The following MAP4K2 variants were observed in gnomAD, a reference collection of about 807,000 sequenced individuals.
The protein encoded by MAP4K2 is B lymphocyte serine/threonine protein kinase.
Under a neutral mutation model 125.3 loss-of-function variants are expected in MAP4K2, and 85 were observed. The ratio of observed to expected loss-of-function variants is 0.68; its 90% CI spans 0.57 to 0.81. MAP4K2 has a LOEUF of 0.81. Ranked by LOEUF, MAP4K2 falls within the 40% of genes least tolerant of loss-of-function variation. MAP4K2 has a pLI of 0.00. For synonymous variants in MAP4K2, 479 were observed against 445.1 expected, an observed-to-expected ratio of 1.08 and a Z score of -0.96; for missense variants, 923 against 1,056.4, an observed-to-expected ratio of 0.87 and a Z score of 1.75.
intron 6 of MAP4K2, 32 bp downstream of exon 6, chr11:64,801,678 C>G: frequency 1.2e-6 from 2 of 1,613,844 alleles, no homozygotes; most frequent in Non-Finnish European, 1.7e-6. Flanking sequence ...CTCCTCCTCC[C>G]TCCCCAGGAG....
chr11:64,792,527 A>C (rs1565611804), intron 24 of MAP4K2, 105 bp from the exon 25 acceptor site: 1 of 913,236 alleles, frequency 1.1e-6, no homozygotes, highest in East Asian at 2.7e-5. Flanking sequence ...TTTACAAGTA[A>C]GGGACTGAGA....
At position 64,802,083 on chromosome 11, in the gene MAP4K2, A is replaced by G; in HGVS notation, c.349T>C (p.Cys117Arg). The change falls in exon 5 of 32, where the codon TGC (cysteine) becomes CGC (arginine). Residue 117 changes from cysteine to arginine, a missense_variant. Transcript: ENST00000294066. Reference protein sequence around the residue: ...PLEERQIAYVCREALKGLHHL... With the variant: ...PLEERQIAYVRREALKGLHHL... ...CCAGCTACCTTCAGTGCCTCTCGGCAGACGTAGGCAATCTGCCGCTCCTCC... is the reference window on the plus strand; with the variant it reads ...CCAGCTACCTTCAGTGCCTCTCGGCGGACGTAGGCAATCTGCCGCTCCTCC... 1 of 1,612,850 alleles carries G rather than the reference A, an allele frequency of 6.2e-7. No homozygotes were observed.
Position 64,802,136 on chromosome 11 carries a change from G to A in MAP4K2, c.311-15C>T. 1.9e-6 allele frequency: 3 copies of A among 1,612,434 alleles called. No individual in the cohort carries two copies. Among genetic ancestry groups the A allele is most frequent in the South Asian group, 2.2e-5 (2 of 90,982 alleles). On this transcript the variant is annotated splice_polypyrimidine_tract_variant and intron_variant, in intron 4 of 31. Coordinates refer to ENST00000294066, the MANE Select transcript of MAP4K2 (RefSeq NM_004579.5). ...GGGCCCAGTGGCTGAAAGGAAAAGG[G>A]AGAGGCTGGCTTGGGGGCCCGGGGG...
At chr11:64,792,341 A>ACCCCC in intron 25 of MAP4K2, 23 bp downstream of exon 25, 1 of 513,946 alleles carries the variant, frequency 1.9e-6, no homozygotes, top group Admixed American at 4.1e-5. Flanking sequence ...GCCCCGCCCC[A>ACCCCC]CCCCGCCCAG....
At position 64,799,621 on chromosome 11, in the gene MAP4K2, G is replaced by T. The variant is rs777426417; in HGVS notation, c.978C>A (p.Thr326=). 10 of 1,614,032 alleles carry T rather than the reference G, an allele frequency of 6.2e-6. No individual in the cohort carries two copies. The highest frequency in any genetic ancestry group is 1.7e-5 in the Admixed American group (1 of 60,016). Reference sequence around the variant, plus strand: ...CAGACTCACACTGGATCTCCGAGGGGGTCCTCTCGGCTGGGCCGTGCTGCC... The same window carrying T: ...CAGACTCACACTGGATCTCCGAGGGTGTCCTCTCGGCTGGGCCGTGCTGCC... The part of the protein sequence containing the change: ...SRGQHGPAER[T]PSEIQFHQVK... The change falls in exon 13 of 32, where the codon ACC becomes ACA. Residue 326 remains threonine (T), a synonymous_variant. Coordinates refer to ENST00000294066, the MANE Select transcript of MAP4K2 (RefSeq NM_004579.5).
chr11:64,802,634 G>C lies in MAP4K2; in HGVS notation c.174C>G (p.Leu58=), dbSNP rs1941283204. 2 of 1,612,472 alleles carry C rather than the reference G, an allele frequency of 1.2e-6. No individual in the cohort carries two copies. The highest frequency in any genetic ancestry group is 1.3e-5 in the African/African-American group (1 of 74,908). Residue 58 remains leucine (L), a synonymous_variant, in exon 3 of 32, where the codon CTC becomes CTG. Transcript: ENST00000294066. ...KLDPGDDISS[L]QQEITILREC... ...CACGCAGGATGGTGATTTCCTGCTG[G>C]AGGGAGCTGATGTCGTCCCCTGGGA...
intron 12 of MAP4K2, among the ~76,000 whole-genome samples, 162 bp from the exon 13 acceptor site, chr11:64,799,845 C>A (rs571500964): frequency 6.6e-6 from 1 of 152,348 alleles, no homozygotes; most frequent in Admixed American, 6.5e-5. Flanking sequence ...AGAACCCACA[C>A]AGAGCAGTGC....
At chr11:64,801,293 C>G in intron 7 of MAP4K2, 110 bp from the exon 8 acceptor site, 4 of 1,370,176 alleles carry the variant, frequency 2.9e-6, no homozygotes, top group Non-Finnish European at 4.0e-6. Flanking sequence ...GCAGGTGGCC[C>G]CGCTTGGTCA....
Position 64,800,687 on chromosome 11 carries a change from C to T in MAP4K2, c.725+77G>A, listed in dbSNP as rs907996642. 64 of 1,536,568 alleles carry T rather than the reference C, an allele frequency of 4.2e-5. No homozygotes were observed. The South Asian group carries it at 4.9e-4, about 12-fold the overall frequency. The stretch of plus-strand genomic sequence containing the variant: ...GGACAGGGCTCTTGGGGTTGCCCCC[C>T]GGGAGTTGGCAGAGGCTGTTTGTCC... On this transcript the variant is annotated intron_variant, in intron 10 of 31. Transcript: ENST00000294066.
intron 4 of MAP4K2, 133 bp downstream of exon 4, chr11:64,802,286 T>C: frequency 8.9e-7 from 1 of 1,125,490 alleles, no homozygotes; most frequent in Non-Finnish European, 1.3e-6. Flanking sequence ...GGACAGTATT[T>C]CTCTCAAGGT....
At position 64,801,027 on chromosome 11, in the gene MAP4K2, C is replaced by G; in HGVS notation, c.535G>C (p.Ala179Pro). 6.2e-7 allele frequency: 1 copy of G among 1,613,888 alleles called. No individual in the cohort carries two copies. The highest frequency in any genetic ancestry group is 8.5e-7 in the Non-Finnish European group (1 of 1,179,998). The change falls in exon 9 of 32, where the codon GCT becomes CCT. Residue 179 changes from alanine (A) to proline (P), a missense_variant. Ala to Pro is a conservative substitution (Grantham distance 27). Transcript: ENST00000294066. ...RSFIGTPYWM[A>P]PEVAAVERKG... ...CGCTCCACAGCAGCCACCTCGGGAG[C>G]CATCCTAGAGGTGGGGTCACAGATG...
Position 64,797,540 on chromosome 11 carries a change from G to A in MAP4K2, c.1137-6C>T, listed in dbSNP as rs777548627. The A allele has an allele frequency of 6.4e-6, 10 of 1,571,778 alleles. No homozygotes were observed. Among genetic ancestry groups the A allele is most frequent in the Middle Eastern group, 3.3e-4 (2 of 6,030 alleles). Reference sequence around the variant, plus strand: ...CTGACCGAATAGTCAGACTCCTGTGGGAGGGAGATGAGGCGTGAGGCATGA... The same window carrying A: ...CTGACCGAATAGTCAGACTCCTGTGAGAGGGAGATGAGGCGTGAGGCATGA... On this transcript the variant is annotated splice_polypyrimidine_tract_variant and splice_region_variant and intron_variant, in intron 16 of 31. Transcript: ENST00000294066.
At position 64,790,291 on chromosome 11, in the gene MAP4K2, T is replaced by C. The variant is rs372923150; in HGVS notation, c.2162-17A>G. 1.7e-4 allele frequency: 281 copies of C among 1,613,982 alleles called. 1 individual carries two copies. The African/African-American group carries it at 3.0e-3, about 17-fold the overall frequency. On this transcript the variant is annotated splice_polypyrimidine_tract_variant and intron_variant, in intron 28 of 31. Transcript: ENST00000294066. ...TCACACAGCCTGCACAGGGAAGGAA[T>C]TGGTGAGTGGGGACGGGGAGGCTCC...
chr11:64,792,336 G>GCCCCA (rs773222442), intron 25 of MAP4K2, 28 bp downstream of exon 25: 1 of 614,820 alleles, frequency 1.6e-6, no homozygotes, highest in Non-Finnish European at 2.4e-6. Context: ...ACCAGGCCCC[G>GCCCCA]CCCCACCCCG....
At position 64,786,050 on chromosome 11, in the gene MAP4K2, C is replaced by G. The variant is rs1020324008; in HGVS notation, c.*3487G>C. 7 of 152,214 alleles carry G rather than the reference C, an allele frequency of 4.6e-5. No homozygotes were observed. Among genetic ancestry groups the G allele is most frequent in the African/African-American group, 1.7e-4 (7 of 41,454 alleles). The allele number at this position is 152,214 out of a possible 1,614,324, so 9.4% of individuals were successfully genotyped here. ...AAAAATTCCTGGGCTCCTTCCTTAT[C>G]CCATCCCACACTCCTCTCAGGGACG... On this transcript the variant is annotated 3_prime_UTR_variant, in exon 32 of 32. Transcript: ENST00000294066.
chr11:64,796,483 C>T lies in MAP4K2; in HGVS notation c.1633+10G>A. 4 of 1,613,944 alleles carry T rather than the reference C, an allele frequency of 2.5e-6. No individual in the cohort carries two copies. Among genetic ancestry groups the T allele is most frequent in the East Asian group, 2.2e-5 (1 of 44,890 alleles). ...GCGGACCCTGCCTCCCTGCCCATCC[C>T]ACCTTGTACCTGAGAGTGACAGCAG... On this transcript the variant is annotated intron_variant, in intron 23 of 31. Transcript: ENST00000294066.
rs369898358 is a variant in MAP4K2 at position 64,792,157 on chromosome 11, C to A, written c.1914+15G>T. The A allele has an allele frequency of 3.1e-6, 5 of 1,598,758 alleles. No homozygotes were observed. The highest frequency in any genetic ancestry group is 2.7e-5 in the African/African-American group (2 of 74,738). On this transcript the variant is annotated intron_variant, in intron 26 of 31. Transcript: ENST00000294066. Reference sequence around the variant, plus strand: ...GCTCTGAGGGTGCCCTGGGCCTCCCCCCACCGCCCCTCACCTTCAGCAGCA... The same window carrying A: ...GCTCTGAGGGTGCCCTGGGCCTCCCACCACCGCCCCTCACCTTCAGCAGCA...
intron 5 of MAP4K2, 67 bp from the exon 6 acceptor site, chr11:64,801,824 C>T: frequency 6.4e-7 from 1 of 1,560,762 alleles, no homozygotes; most frequent in Non-Finnish European, 8.8e-7. Context: ...AACCCCCTCT[C>T]AGGACTGGGG....
chr11:64,801,862 C>T (rs1490231342), intron 5 of MAP4K2, 105 bp from the exon 6 acceptor site: 2 of 1,275,324 alleles, frequency 1.6e-6, no homozygotes, highest in Non-Finnish European at 1.1e-6. Flanking sequence ...TTCTTCCTCC[C>T]CTCTCCCCAA....
Sources: allele counts gnomAD v4.1 joint callset (sites outside exome capture counted in the v4.1 genomes callset), GRCh38; gene constraint gnomAD v4.1.1; transcripts MANE v1.5; gene names NCBI Gene and HGNC (gene_info 2026-07-23, HGNC 2026-07-21).